The following KCNAB1 variants were observed in gnomAD, a reference collection of about 807,000 sequenced individuals.
KCNAB1 encodes voltage-gated potassium channel subunit beta-1.
A neutral mutation model predicts 64.6 loss-of-function variants in KCNAB1; 35 were observed. That is an observed-to-expected ratio of 0.54 (90% CI 0.41 to 0.72). KCNAB1 has a LOEUF of 0.72. Among genes scored for constraint, KCNAB1 ranks in the 30% least tolerant of loss-of-function variants. The pLI is 0.00. For synonymous variants in KCNAB1, 177 were observed against 183.8 expected, an observed-to-expected ratio of 0.96 and a Z score of 0.30; for missense variants, 401 against 512.9, an observed-to-expected ratio of 0.78 and a Z score of 2.11.
chr3:156,472,061 A>G (rs536212567), intron 7 of KCNAB1, among the ~76,000 whole-genome samples: 4 of 152,274 alleles, frequency 2.6e-5, no homozygotes, highest in Admixed American at 2.6e-4. Context: ...CAAGAGCTCC[A>G]TGTAGTGACT....
intron 1 of KCNAB1, among the ~76,000 whole-genome samples, chr3:156,236,124 G>A (rs533223123): frequency 2.6e-5 from 4 of 152,196 alleles, no homozygotes; most frequent in East Asian, 3.9e-4. Context: ...TAATTATAAC[G>A]ATTCTGATGA....
intron 12 of KCNAB1, among the ~76,000 whole-genome samples, chr3:156,529,303 A>G (rs1275029751): frequency 1.3e-5 from 2 of 152,248 alleles, no homozygotes; most frequent in Non-Finnish European, 2.9e-5. Flanking sequence ...GACAAAAAGT[A>G]GATCAGTGGC....
chr3:156,207,816 T>C (rs1714760040), intron 1 of KCNAB1, among the ~76,000 whole-genome samples: 1 of 152,170 alleles, frequency 6.6e-6, no homozygotes, highest in African/African-American at 2.4e-5. Context: ...TTAGGAAATT[T>C]TGACAACCAG....
chr3:156,524,174 TTAAA>T (rs1718137664), intron 12 of KCNAB1: 2 of 469,680 alleles, frequency 4.3e-6, no homozygotes, highest in Non-Finnish European at 7.5e-6. Context: ...ATAACATAGT[TTAAA>T]TGAGAACATG....
intron 1 of KCNAB1, among the ~76,000 whole-genome samples, chr3:156,147,963 A>ACACACG (rs1553808793): frequency 1.3e-5 from 2 of 150,774 alleles, no homozygotes; most frequent in Non-Finnish European, 3.0e-5. Context: ...ACACACACGC[A>ACACACG]CGCACACGCA....
chr3:156,161,760 TCTAC>T (rs1447343758), intron 1 of KCNAB1, among the ~76,000 whole-genome samples: 2 of 152,222 alleles, frequency 1.3e-5, no homozygotes, highest in African/African-American at 4.8e-5. Context: ...TGTTGACTTG[TCTAC>T]AAAATACTTA....
At position 156,528,187 on chromosome 3, in the gene KCNAB1, A is replaced by AAAAAG. The variant is rs59586180; in HGVS notation, c.1082-3221_1082-3220insAAAGA. 2.9e-3 allele frequency among the ~76,000 whole-genome samples: 440 copies of AAAAAG among 151,252 alleles called. 1 individual carries two copies. The highest frequency in any genetic ancestry group is 0.026 in the East Asian group (136 of 5,184). On this transcript the variant is annotated intron_variant, in intron 12 of 13. Coordinates refer to ENST00000490337, the MANE Select transcript of KCNAB1 (RefSeq NM_172160.3). ...AAATAATGCAGTCAAAAAAAAAAAA[A>AAAAAG]AGAGAGAGAAAGATTGGATTGGTAC...
intron 1 of KCNAB1, among the ~76,000 whole-genome samples, chr3:156,259,721 G>T (rs1185960669): frequency 6.6e-6 from 1 of 151,996 alleles, no homozygotes. Context: ...CTTGTCTTTG[G>T]GACACTCTGC....
In KCNAB1 at chr3:156,284,574, T is replaced by C. The variant is rs901681408; in HGVS notation, c.276-137042T>C. ...GGCTCCCCTCCCCCAGCCTCGCTGC[T>C]GCCTTGCAGTTTGATCTCAGACTGC... On this transcript the variant is annotated intron_variant, in intron 1 of 13. Transcript: ENST00000490337. Among the ~76,000 whole-genome samples, 78 of 152,324 alleles carry C rather than the reference T, an allele frequency of 5.1e-4. 1 individual carries two copies. The South Asian group carries it at 8.1e-3, about 16-fold the overall frequency.
chr3:156,437,827 C>T (rs1716691460), intron 2 of KCNAB1, among the ~76,000 whole-genome samples: 1 of 152,112 alleles, frequency 6.6e-6, no homozygotes, highest in Non-Finnish European at 1.5e-5. Context: ...GGGGTCAAGG[C>T]CACCTTCAAC....
intron 1 of KCNAB1, among the ~76,000 whole-genome samples, chr3:156,160,810 T>A (rs1387256839): frequency 1.3e-5 from 2 of 152,196 alleles, no homozygotes; most frequent in Admixed American, 1.3e-4. Context: ...GCATTCTGGC[T>A]TTCATTTTCA....
chr3:156,147,403 C>T (rs1715100934), intron 1 of KCNAB1, among the ~76,000 whole-genome samples: 1 of 152,168 alleles, frequency 6.6e-6, no homozygotes, highest in African/African-American at 2.4e-5. Context: ...CCTAATATTA[C>T]TATCATATCA....
At chr3:156,346,936 A>G (rs2108076863) in intron 1 of KCNAB1, among the ~76,000 whole-genome samples, 1 of 151,814 alleles carries the variant, frequency 6.6e-6, no homozygotes, top group African/African-American at 2.4e-5. Context: ...TATTAGAGCA[A>G]TAGAATGAAT....
intron 2 of KCNAB1, among the ~76,000 whole-genome samples, chr3:156,439,815 A>G (rs1716868489): frequency 6.6e-6 from 1 of 152,188 alleles, no homozygotes; most frequent in African/African-American, 2.4e-5. Flanking sequence ...TAAGATGGCA[A>G]ATGCAAGCTT....
chr3:156,498,481 CCT>C (rs1199478424), intron 8 of KCNAB1, among the ~76,000 whole-genome samples: 1 of 152,154 alleles, frequency 6.6e-6, no homozygotes, highest in Non-Finnish European at 1.5e-5. Flanking sequence ...CCCTGCACAA[CCT>C]CTCTTTTCTT....
chr3:156,262,779 G>T (rs1718499777), intron 1 of KCNAB1, among the ~76,000 whole-genome samples: 1 of 151,754 alleles, frequency 6.6e-6, no homozygotes, highest in Non-Finnish European at 1.5e-5. Context: ...AAAACTCACT[G>T]GTGAATTCTG....
intron 1 of KCNAB1, among the ~76,000 whole-genome samples, chr3:156,221,785 C>T (rs780722727): frequency 1.2e-4 from 15 of 127,632 alleles, no homozygotes; most frequent in Non-Finnish European, 2.5e-4. Context: ...TCCCCCCCCG[C>T]CAAAAAAAAA....
intron 1 of KCNAB1, among the ~76,000 whole-genome samples, chr3:156,379,324 G>T (rs1441826457): frequency 6.6e-6 from 1 of 152,164 alleles, no homozygotes; most frequent in Non-Finnish European, 1.5e-5. Flanking sequence ...ATTTTAACTG[G>T]GGAAGAACAG....
rs1431457170 is a variant in KCNAB1, at chr3:156,508,789, TG to T, written c.659-5574del. Among the ~76,000 whole-genome samples the T allele has an allele frequency of 6.6e-6, 1 of 152,226 alleles. No individual in the cohort carries two copies. The highest frequency in any genetic ancestry group is 2.4e-5 in the African/African-American group (1 of 41,452). ...CCTGCAGCATTTATAGGGAGCCACC[TG>T]TGTGCTAGGGATACAGGGAGTATGT... On this transcript the variant is annotated intron_variant, in intron 8 of 13. Transcript: ENST00000490337. This position sits in a 1 kb window ranked among gnomAD's most constrained non-coding sequence, Gnocchi z 4.1.
Sources: allele counts gnomAD v4.1 joint callset (sites outside exome capture counted in the v4.1 genomes callset), GRCh38; gene constraint gnomAD v4.1.1; non-coding constraint Gnocchi (gnomAD v3.1); transcripts MANE v1.5; gene names NCBI Gene and HGNC (gene_info 2026-07-23, HGNC 2026-07-21).